Variants in NCAM2 observed in about 807,000 individuals in gnomAD.
NCAM2 encodes neural cell adhesion molecule 2, also known as N-CAM-2.
Under a neutral mutation model 98.1 loss-of-function variants are expected in NCAM2, and 30 were observed. The observed-to-expected ratio is 0.31, with a 90% CI of 0.23 to 0.41. The LOEUF is 0.41. Ranked by LOEUF, NCAM2 falls within the 10% of genes least tolerant of loss-of-function variation. The probability of loss-of-function intolerance (pLI) is 1.00; values close to 1 mark genes in which losing one functional copy is unlikely to be tolerated. For missense variants in NCAM2, 867 were observed against 1,005.8 expected (o/e 0.86, Z 1.87); for synonymous variants, 368 against 342.4 (o/e 1.07, Z -0.83).
intron 9 of NCAM2, among the ~76,000 whole-genome samples, chr21:21,387,514 A>C (rs1024664804): frequency 8.6e-5 from 11 of 127,860 alleles, no homozygotes; most frequent in African/African-American, 3.4e-4. Context: ...CAGGATATTC[A>C]AGACAAAAAA....
intron 16 of NCAM2, among the ~76,000 whole-genome samples, chr21:21,533,166 C>CTTTTTTTTTTTTTTTTTTTTTTTTTTT (rs201532023): frequency 5.3e-5 from 5 of 93,802 alleles, no homozygotes; most frequent in African/African-American, 4.2e-5. Flanking sequence ...TGTTTGCTTG[C>CTTTTTTTTTTTTTTTTTTTTTTTTTTT]TTTTTTTTTT....
intron 1 of NCAM2, among the ~76,000 whole-genome samples, chr21:21,216,769 G>T (rs757760950): frequency 2.0e-5 from 3 of 152,106 alleles, no homozygotes; most frequent in Non-Finnish European, 4.4e-5. Context: ...ATTTGAATGA[G>T]GATTTCTTTC....
intron 16 of NCAM2, among the ~76,000 whole-genome samples, chr21:21,520,457 G>A (rs768815446): frequency 5.3e-5 from 8 of 152,102 alleles, no homozygotes; most frequent in Admixed American, 3.9e-4. Context: ...GGAATGGACT[G>A]TGTAAAAGGC....
intron 1 of NCAM2, among the ~76,000 whole-genome samples, chr21:21,055,157 A>G (rs8128372): frequency 0.16 from 24,949 of 151,932 alleles, 2,215 homozygotes; most frequent in Non-Finnish European, 0.2. Context: ...GTGTAAATTC[A>G]GAAAGGTGAT....
intron 1 of NCAM2, among the ~76,000 whole-genome samples, chr21:21,199,171 A>G (rs1041543837): frequency 1.3e-5 from 2 of 152,170 alleles, no homozygotes; most frequent in African/African-American, 2.4e-5. Context: ...GGAACATCTA[A>G]TATCTCCAGG....
chr21:21,049,299 T>C lies in NCAM2; in HGVS notation c.55+50681T>C, dbSNP rs112438245. ...CTCGCATATTTCCTTTATTTTTGTA[T>C]ATAATTTATATGCTGATACAATTAA... is the stretch of plus-strand genomic sequence containing the variant. On this transcript the variant is annotated intron_variant, in intron 1 of 17. Transcript: ENST00000400546. Among the ~76,000 whole-genome samples the C allele has an allele frequency of 2.5e-3, 378 of 152,302 alleles. 1 individual carries two copies. Among genetic ancestry groups the C allele is most frequent in the African/African-American group, 8.0e-3 (332 of 41,564 alleles).
chr21:21,142,410 A>G (rs2067188255), intron 1 of NCAM2, among the ~76,000 whole-genome samples: 1 of 110,384 alleles, frequency 9.1e-6, no homozygotes, highest in Non-Finnish European at 1.7e-5. Flanking sequence ...ATAGAGTCTC[A>G]CCCTGTCGTC....
At chr21:21,011,164 C>A (rs200562226) in intron 1 of NCAM2, among the ~76,000 whole-genome samples, 1 of 140,436 alleles carries the variant, frequency 7.1e-6, no homozygotes, top group East Asian at 2.2e-4. Flanking sequence ...GTTTTTTTTT[C>A]TTTTTTTCCA....
intron 1 of NCAM2, among the ~76,000 whole-genome samples, chr21:21,042,229 A>G (rs1345097769): frequency 1.3e-5 from 2 of 152,034 alleles, no homozygotes; most frequent in African/African-American, 4.8e-5. Flanking sequence ...TTTTTGCCCA[A>G]GCTGGAGTGC....
chr21:21,237,887 A>AG (rs2070897408), intron 1 of NCAM2, among the ~76,000 whole-genome samples: 1 of 151,708 alleles, frequency 6.6e-6, no homozygotes, highest in African/African-American at 2.4e-5. Flanking sequence ...TAAAAAAAAA[A>AG]TGATACTTCC....
intron 9 of NCAM2, among the ~76,000 whole-genome samples, chr21:21,375,709 GA>G (rs1249224141): frequency 6.7e-6 from 1 of 149,204 alleles, no homozygotes; most frequent in Non-Finnish European, 1.5e-5. Flanking sequence ...TTTACTTTAT[GA>G]TTTTTTTTAA....
At chr21:21,276,506 A>G (rs956665070) in intron 1 of NCAM2, among the ~76,000 whole-genome samples, 3 of 152,036 alleles carry the variant, frequency 2.0e-5, no homozygotes, top group Non-Finnish European at 1.5e-5. Flanking sequence ...ATTTATGGAT[A>G]GCTATCAAAT....
intron 5 of NCAM2, among the ~76,000 whole-genome samples, chr21:21,292,476 G>A (rs1257552633): frequency 6.6e-6 from 1 of 151,860 alleles, no homozygotes; most frequent in Non-Finnish European, 1.5e-5. Context: ...TAGGCTATAT[G>A]TGAGTAATTG....
chr21:21,534,651 A>G lies in NCAM2; in HGVS notation c.2397A>G (p.Glu799=). 1 of 1,607,732 alleles carries G rather than the reference A, an allele frequency of 6.2e-7. No individual in the cohort carries two copies. The highest frequency in any genetic ancestry group is 1.7e-4 in the Middle Eastern group (1 of 6,026). Residue 799 remains glutamate (E), a synonymous_variant, in exon 17 of 18, where the codon GAA becomes GAG. Coordinates refer to ENST00000400546, the MANE Select transcript of NCAM2 (RefSeq NM_004540.5). ...CAAATGAAACCACACCACTGACAGA[A>G]CCTGAGTATGTGGCTTGGAGTGCTC... ...NEPNETTPLT[E]PEKLPLKEED...
At chr21:21,361,457 T>C (rs956920839) in intron 8 of NCAM2, among the ~76,000 whole-genome samples, 1 of 152,088 alleles carries the variant, frequency 6.6e-6, no homozygotes, top group South Asian at 2.1e-4. Context: ...GTGAACTCTC[T>C]TGGTTTTTTT....
At chr21:21,068,625 A>C (rs889151038) in intron 1 of NCAM2, among the ~76,000 whole-genome samples, 1 of 151,720 alleles carries the variant, frequency 6.6e-6, no homozygotes. Context: ...ATGCCTGGCT[A>C]ATTTTTGTAT....
At chr21:21,006,941 T>C (rs540723460) in intron 1 of NCAM2, among the ~76,000 whole-genome samples, 1 of 152,342 alleles carries the variant, frequency 6.6e-6, no homozygotes, top group South Asian at 2.1e-4. Flanking sequence ...GATTTAACTA[T>C]GCTAGTATTG....
intron 1 of NCAM2, among the ~76,000 whole-genome samples, chr21:21,057,374 A>G (rs971798257): frequency 1.3e-5 from 2 of 152,116 alleles, no homozygotes; most frequent in African/African-American, 4.8e-5. Flanking sequence ...TCACAGCATG[A>G]GATTATTTTT....
At chr21:21,097,503 G>C (rs1173768248) in intron 1 of NCAM2, among the ~76,000 whole-genome samples, 1 of 151,614 alleles carries the variant, frequency 6.6e-6, no homozygotes, top group Non-Finnish European at 1.5e-5. Flanking sequence ...TTTTTTAACA[G>C]AGATACATTT....
Sources: allele counts gnomAD v4.1 joint callset (sites outside exome capture counted in the v4.1 genomes callset), GRCh38; gene constraint gnomAD v4.1.1; transcripts MANE v1.5; gene names NCBI Gene and HGNC (gene_info 2026-07-23, HGNC 2026-07-21).